GRAMD2B: variants seen among roughly 807,000 people sequenced by gnomAD.
GRAMD2B encodes GRAM domain containing 2B.
Under a neutral mutation model 59.2 loss-of-function variants are expected in GRAMD2B, and 41 were observed. The observed-to-expected ratio is 0.69, with a 90% confidence interval of 0.54 to 0.90. The LOEUF (loss-of-function observed/expected upper bound fraction) is 0.90. Ranked by LOEUF, GRAMD2B falls within the 40% of genes least tolerant of loss-of-function variation. The probability of loss-of-function intolerance (pLI) is 0.00; values close to 1 mark genes in which losing one functional copy is unlikely to be tolerated. For synonymous variants in GRAMD2B, 161 were observed against 182.7 expected (o/e 0.88, Z 0.96); for missense variants, 424 against 500.5 (o/e 0.85, Z 1.46).
chr5:126,468,849 A>G (rs1768981645), intron 2 of GRAMD2B, among the ~76,000 whole-genome samples: 1 of 152,008 alleles, frequency 6.6e-6, no homozygotes, highest in African/African-American at 2.4e-5. Flanking sequence ...CCTAACTCCT[A>G]TAATATGTAT....
intron 3 of GRAMD2B, among the ~76,000 whole-genome samples, chr5:126,470,051 A>G (rs1363124005): frequency 6.6e-6 from 1 of 152,234 alleles, no homozygotes; most frequent in Non-Finnish European, 1.5e-5. Context: ...CCCAGAGATC[A>G]GGGACCAACA....
chr5:126,384,066 C>T (rs1244862878), intron 1 of GRAMD2B, among the ~76,000 whole-genome samples: 1 of 152,162 alleles, frequency 6.6e-6, no homozygotes, highest in Non-Finnish European at 1.5e-5. Context: ...CAAATACATT[C>T]TTTCCTCTCT....
chr5:126,395,721 G>C (rs1216955238), intron 1 of GRAMD2B, among the ~76,000 whole-genome samples: 2 of 152,136 alleles, frequency 1.3e-5, no homozygotes, highest in Admixed American at 6.5e-5. Context: ...CAGCAAGAGA[G>C]AGCCTGCTAC....
upstream of GRAMD2B, chr5:126,371,229 G>A (rs1348171510): frequency 3.7e-6 from 3 of 818,708 alleles, no homozygotes; most frequent in Middle Eastern, 5.4e-4. Context: ...AGCAAACATA[G>A]GTAGGATGAA....
At chr5:126,368,120 T>G (rs542730874), upstream of GRAMD2B, among the ~76,000 whole-genome samples, 9 of 117,690 alleles carry the variant, frequency 7.6e-5, no homozygotes, top group African/African-American at 3.0e-4. Flanking sequence ...ATTTTTATTT[T>G]AGTTGTATTT....
intron 1 of GRAMD2B, among the ~76,000 whole-genome samples, chr5:126,385,011 T>C (rs1423520191): frequency 6.6e-6 from 1 of 152,242 alleles, no homozygotes; most frequent in Non-Finnish European, 1.5e-5. Context: ...TAGACAACGA[T>C]AAATGCTAGA....
intron 3 of GRAMD2B, among the ~76,000 whole-genome samples, chr5:126,470,914 C>T (rs957699936): frequency 1.3e-5 from 2 of 152,114 alleles, no homozygotes; most frequent in South Asian, 2.1e-4. Context: ...CCATTTATTA[C>T]GTTGACATTT....
At chr5:126,363,771 G>A (rs1188089644) in intron 1 of GRAMD2B, among the ~76,000 whole-genome samples, 1 of 152,164 alleles carries the variant, frequency 6.6e-6, no homozygotes, top group Non-Finnish European at 1.5e-5. Flanking sequence ...TCTCTAAAGA[G>A]AGAAAGTAAA....
chr5:126,465,474 G>T lies in GRAMD2B; in HGVS notation c.132G>T (p.Ser44=). Residue 44 remains serine, a synonymous_variant, in exon 2 of 14, where the codon TCG becomes TCT. Transcript: ENST00000285689. ...AGGAGAAAAAGAAAGCCTGCAGGTC[G>T]CCAACAGCCCAATCCCCTACCCCAT... ...GVEEKKKACR[S]PTAQSPTPSV... 6.2e-7 allele frequency: 1 copy of T among 1,614,090 alleles called. No homozygotes were observed. Among genetic ancestry groups the T allele is most frequent in the Non-Finnish European group, 8.5e-7 (1 of 1,179,990 alleles).
At chr5:126,414,259 A>G (rs2149763007) in intron 1 of GRAMD2B, among the ~76,000 whole-genome samples, 1 of 152,288 alleles carries the variant, frequency 6.6e-6, no homozygotes, top group Middle Eastern at 3.4e-3. Flanking sequence ...GGTTTCTATA[A>G]GACCAATGTC....
intron 1 of GRAMD2B, among the ~76,000 whole-genome samples, chr5:126,411,101 C>T (rs1758741002): frequency 6.6e-6 from 1 of 151,708 alleles, no homozygotes; most frequent in Non-Finnish European, 1.5e-5. Flanking sequence ...CTGTGCAGAG[C>T]TCTTTAATTA....
At chr5:126,480,969 C>G (rs1267215285) in intron 8 of GRAMD2B, 1 of 503,766 alleles carries the variant, frequency 2.0e-6, no homozygotes, top group East Asian at 3.4e-5. Context: ...TCAGTGAATG[C>G]ATTCATAAAA....
At chr5:126,487,697 A>T in intron 12 of GRAMD2B, among the ~76,000 whole-genome samples, 1 of 152,224 alleles carries the variant, frequency 6.6e-6, no homozygotes, top group Non-Finnish European at 1.5e-5. Context: ...ACAAATACAG[A>T]TGATTTTTCC....
Position 126,477,770 on chromosome 5 carries a change from GCAACA to G in GRAMD2B, c.566_570del (p.Ala189GlyfsTer34). 1.2e-6 allele frequency: 2 copies of G among 1,608,162 alleles called. No individual in the cohort carries two copies. The highest frequency in any genetic ancestry group is 1.7e-6 in the Non-Finnish European group (2 of 1,174,626). On this transcript the variant is annotated frameshift_variant, in exon 6 of 14. Transcript: ENST00000285689. LOFTEE classifies it high-confidence loss of function. Reference sequence around the variant, plus strand: ...TCTAGTGCCAAACGCCCTGATCATAGCAACAGTCACAGACAGGGTGAGTATGCAGC... The same window carrying G: ...TCTAGTGCCAAACGCCCTGATCATAGGTCACAGACAGGGTGAGTATGCAGC...
intron 1 of GRAMD2B, among the ~76,000 whole-genome samples, chr5:126,429,189 A>G (rs936454296): frequency 6.6e-6 from 1 of 152,228 alleles, no homozygotes; most frequent in East Asian, 1.9e-4. Context: ...TATATACACC[A>G]TGGAATACTA....
At chr5:126,447,448 G>T (rs1764457358) in intron 1 of GRAMD2B, among the ~76,000 whole-genome samples, 1 of 152,136 alleles carries the variant, frequency 6.6e-6, no homozygotes. Flanking sequence ...AGATCATGAG[G>T]TCAGAAGATT....
chr5:126,370,164 G>A (rs982846584), upstream of GRAMD2B, among the ~76,000 whole-genome samples: 1 of 152,134 alleles, frequency 6.6e-6, no homozygotes, highest in Non-Finnish European at 1.5e-5. Flanking sequence ...GGCATTCAGT[G>A]CTAAAACCAA....
intron 10 of GRAMD2B, among the ~76,000 whole-genome samples, chr5:126,484,912 T>C (rs369866895): frequency 1.3e-5 from 2 of 152,290 alleles, no homozygotes; most frequent in East Asian, 1.9e-4. Context: ...ACCTTATGAC[T>C]GCTTTTCATA....
At chr5:126,370,850 T>C (rs1057334748), upstream of GRAMD2B, among the ~76,000 whole-genome samples, 2 of 152,212 alleles carry the variant, frequency 1.3e-5, no homozygotes, top group Non-Finnish European at 2.9e-5. Context: ...ATATTGAGAC[T>C]CCCTTGACTT....
Sources: allele counts gnomAD v4.1 joint callset (sites outside exome capture counted in the v4.1 genomes callset), GRCh38; gene constraint gnomAD v4.1.1; transcripts MANE v1.5; gene names NCBI Gene and HGNC (gene_info 2026-07-23, HGNC 2026-07-21).